The following MOXD1 variants were observed in gnomAD, a reference collection of about 807,000 sequenced individuals.
MOXD1 encodes the protein DBH-like monooxygenase protein 1.
MOXD1 carries 62 observed loss-of-function variants against 66.6 expected under a neutral mutation model. The ratio of observed to expected loss-of-function variants is 0.93; its 90% CI spans 0.76 to 1.15. The LOEUF (loss-of-function observed/expected upper bound fraction) is 1.15, where lower values mean the gene tolerates loss of function less well. MOXD1 is among the 50% of genes most tolerant of loss of function. MOXD1 has a pLI of 0.00. For synonymous variants in MOXD1, 303 were observed against 281.9 expected (o/e 1.07, Z -0.75); for missense variants, 847 against 754.6 (o/e 1.12, Z -1.44).
chr6:132,328,727 T>C, intron 4 of MOXD1, 133 bp from the exon 5 acceptor site: 1 of 861,698 alleles, frequency 1.2e-6, no homozygotes. Context: ...GTCAAGGTTG[T>C]GTAGTTCAAG....
chr6:132,323,060 A>G (rs941938512), intron 7 of MOXD1, among the ~76,000 whole-genome samples, 190 bp from the exon 8 acceptor site: 1 of 152,190 alleles, frequency 6.6e-6, no homozygotes, highest in African/African-American at 2.4e-5. Flanking sequence ...TGCCGGGAGA[A>G]AAGTAGGGGA....
intron 1 of MOXD1, among the ~76,000 whole-genome samples, chr6:132,384,124 T>C (rs1407504476): frequency 6.6e-6 from 1 of 152,184 alleles, no homozygotes; most frequent in African/African-American, 2.4e-5. Context: ...GGAATAAATT[T>C]TGAAGTTAAA....
chr6:132,373,014 G>C lies in MOXD1; in HGVS notation c.412-17C>G. ...AGTGCTATCCTGGGGATCAGACATG[G>C]GCATGATTAGGTCTCATGAGAGCAC... On this transcript the variant is annotated splice_polypyrimidine_tract_variant and intron_variant, in intron 2 of 11. Transcript: ENST00000367963. The C allele has an allele frequency of 3.1e-6, 5 of 1,599,802 alleles. No individual in the cohort carries two copies. Among genetic ancestry groups the C allele is most frequent in the Non-Finnish European group, 4.3e-6 (5 of 1,171,158 alleles).
intron 4 of MOXD1, among the ~76,000 whole-genome samples, chr6:132,335,425 A>G (rs6925859): frequency 0.44 from 66,735 of 152,018 alleles, 20,299 homozygotes; most frequent in African/African-American, 0.85. Flanking sequence ...TACTGGATTA[A>G]GGTGGGATCT....
rs1373218367 is a variant in MOXD1, at chr6:132,349,412, T to C, written c.664-20818A>G. On this transcript the variant is annotated intron_variant, in intron 4 of 11. Transcript: ENST00000367963. ...ATATATACACATATATATACATATA[T>C]ATATATATACATATATATATATACA... Among the ~76,000 whole-genome samples, 4 of 84,412 alleles carry C rather than the reference T, an allele frequency of 4.7e-5. 1 individual carries two copies. Among genetic ancestry groups the C allele is most frequent in the African/African-American group, 2.2e-4 (3 of 13,880 alleles). The allele number at this position is 84,412 out of a possible 152,430, so 55.4% of individuals were successfully genotyped here.
At chr6:132,380,731 A>C (rs992417017) in intron 1 of MOXD1, among the ~76,000 whole-genome samples, 1 of 152,234 alleles carries the variant, frequency 6.6e-6, no homozygotes, top group Admixed American at 6.5e-5. Flanking sequence ...TTGTCAATGG[A>C]ACAAAAAAAG....
chr6:132,339,385 C>CAAAA (rs1366833747), intron 4 of MOXD1, among the ~76,000 whole-genome samples: 3 of 152,132 alleles, frequency 2.0e-5, no homozygotes, highest in South Asian at 4.1e-4. Context: ...CACCCACCAA[C>CAAAA]AAAAGCCCCA....
rs370387037 is a variant in MOXD1, at chr6:132,315,753, T to A, written c.1390A>T (p.Met464Leu). 2.5e-6 allele frequency: 4 copies of A among 1,613,470 alleles called. No individual in the cohort carries two copies. In the African/African-American group the frequency reaches 5.3e-5, roughly 22 times the overall value. ...TWGGLSTRSE[M>L]CLSYLLYYPR... Reference sequence around the variant, plus strand: ...TAATAAAGAAGGTATGAGAGACACATTTCACTCCTGGTGCTTAGTCCTCCC... The same window carrying A: ...TAATAAAGAAGGTATGAGAGACACAATTCACTCCTGGTGCTTAGTCCTCCC... The change falls in exon 10 of 12, where the codon ATG becomes TTG. Residue 464 changes from methionine (M) to leucine (L), a missense_variant. Physicochemically the swap from Met to Leu is conservative, Grantham distance 15 (BLOSUM62 2). Coordinates refer to ENST00000367963, the MANE Select transcript of MOXD1 (RefSeq NM_015529.4).
At chr6:132,332,989 T>C (rs910111054) in intron 4 of MOXD1, among the ~76,000 whole-genome samples, 3 of 152,162 alleles carry the variant, frequency 2.0e-5, no homozygotes, top group Non-Finnish European at 2.9e-5. Context: ...CTTTTGTTTT[T>C]GCATTATTAT....
At chr6:132,386,502 A>T (rs1776648951) in intron 1 of MOXD1, among the ~76,000 whole-genome samples, 1 of 151,358 alleles carries the variant, frequency 6.6e-6, no homozygotes, top group South Asian at 2.1e-4. Context: ...GATGATAATG[A>T]TTCAATGCAT....
At chr6:132,317,690 C>A (rs1774988974) in intron 9 of MOXD1, among the ~76,000 whole-genome samples, 1 of 151,950 alleles carries the variant, frequency 6.6e-6, no homozygotes, top group Non-Finnish European at 1.5e-5. Context: ...TTTATTATGT[C>A]TTTAGTAAAA....
At chr6:132,397,631 AGAGAC>A (rs1776916563) in intron 1 of MOXD1, among the ~76,000 whole-genome samples, 2 of 127,216 alleles carry the variant, frequency 1.6e-5, no homozygotes, top group South Asian at 2.4e-4. Context: ...AGAGAGAGAG[AGAGAC>A]AGAAAGAAAG....
At chr6:132,339,399 A>G (rs1476912376) in intron 4 of MOXD1, among the ~76,000 whole-genome samples, 1 of 152,202 alleles carries the variant, frequency 6.6e-6, no homozygotes, top group African/African-American at 2.4e-5. Context: ...AGCCCCACCT[A>G]TATCTACATA....
chr6:132,384,775 A>G (rs1776592218), intron 1 of MOXD1, among the ~76,000 whole-genome samples: 1 of 152,220 alleles, frequency 6.6e-6, no homozygotes, highest in East Asian at 1.9e-4. Flanking sequence ...ACAGTGCCCA[A>G]AGAGGTCCCT....
chr6:132,386,618 AAAGTGT>A (rs1343292049), intron 1 of MOXD1, among the ~76,000 whole-genome samples: 1 of 151,462 alleles, frequency 6.6e-6, no homozygotes, highest in Non-Finnish European at 1.5e-5. Flanking sequence ...GAATAACCTG[AAAGTGT>A]AAATGCAAAG....
chr6:132,388,229 G>C (rs929943692), intron 1 of MOXD1, among the ~76,000 whole-genome samples: 2 of 151,206 alleles, frequency 1.3e-5, no homozygotes, highest in African/African-American at 4.8e-5. Flanking sequence ...ACTCTCCTAA[G>C]AATTTTACAT....
chr6:132,338,807 G>A (rs951123563), intron 4 of MOXD1, among the ~76,000 whole-genome samples: 5 of 152,124 alleles, frequency 3.3e-5, no homozygotes, highest in African/African-American at 4.8e-5. Flanking sequence ...CAGTAAATTA[G>A]TGATAATGAG....
At chr6:132,375,988 T>G (rs996938528) in intron 1 of MOXD1, among the ~76,000 whole-genome samples, 14 of 152,210 alleles carry the variant, frequency 9.2e-5, no homozygotes, top group Non-Finnish European at 1.5e-5. Flanking sequence ...CATATTTTCT[T>G]TTTTGCACCA....
chr6:132,328,422 C>T lies in MOXD1; in HGVS notation c.836G>A (p.Gly279Asp), dbSNP rs376097139. 17 of 1,613,992 alleles carry T rather than the reference C, an allele frequency of 1.1e-5. No homozygotes were observed. Among genetic ancestry groups the T allele is most frequent in the Non-Finnish European group, 1.4e-5 (16 of 1,180,002 alleles). ...AGTAATCATTAGCCCCACCTCTCCA[C>T]CAATAGCCCAGGCAAAAATCACAGT... ...CETVIFAWAI[G>D]GEGFSYPPHV... Residue 279 changes from glycine (G) to aspartate (D), a missense_variant, in exon 5 of 12, where the codon GGT (glycine) becomes GAT (aspartate). Transcript: ENST00000367963.
Sources: allele counts gnomAD v4.1 joint callset (sites outside exome capture counted in the v4.1 genomes callset), GRCh38; gene constraint gnomAD v4.1.1; transcripts MANE v1.5; gene names NCBI Gene and HGNC (gene_info 2026-07-23, HGNC 2026-07-21).